FBN1: variants seen among roughly 807,000 people sequenced by gnomAD.
FBN1 encodes the protein fibrillin-1.
FBN1 carries 29 observed loss-of-function variants against 365.1 expected under a neutral mutation model. The observed-to-expected ratio is 0.08, with a 90% CI of 0.06 to 0.11. The LOEUF (loss-of-function observed/expected upper bound fraction) is 0.11. FBN1 is among the 10% of genes least tolerant of loss of function. The probability of loss-of-function intolerance (pLI) is 1.00; values close to 1 mark genes in which losing one functional copy is unlikely to be tolerated. For missense variants in FBN1, 2,476 were observed against 3,703.2 expected (o/e 0.67, Z 8.60); for synonymous variants, 1,210 against 1,270.5 (o/e 0.95, Z 1.01).
At chr15:48,411,483 C>A in intron 65 of FBN1, 104 bp from the exon 66 acceptor site, 1 of 1,032,942 alleles carries the variant, frequency 9.7e-7, no homozygotes, top group Admixed American at 1.7e-5. Flanking sequence ...CAATTTTCTG[C>A]CTTATGCTGC....
intron 63 of FBN1, among the ~76,000 whole-genome samples, chr15:48,420,471 T>A (rs1459603187): frequency 6.6e-6 from 1 of 151,088 alleles, no homozygotes; most frequent in Non-Finnish European, 1.5e-5. Flanking sequence ...GGCATTTCAT[T>A]TCAGATGCTC....
At chr15:48,533,767 G>A (rs1180821045) in intron 8 of FBN1, among the ~76,000 whole-genome samples, 1 of 152,036 alleles carries the variant, frequency 6.6e-6, no homozygotes, top group African/African-American at 2.4e-5. Context: ...CATGTCTCTA[G>A]AACTATGCAA....
At chr15:48,551,979 T>C (rs867993008) in intron 6 of FBN1, among the ~76,000 whole-genome samples, 1 of 152,202 alleles carries the variant, frequency 6.6e-6, no homozygotes, top group Non-Finnish European at 1.5e-5. Flanking sequence ...CATGCATGTG[T>C]CTTTATAATA....
chr15:48,424,486 A>G (rs186251067), intron 60 of FBN1, among the ~76,000 whole-genome samples: 1 of 152,336 alleles, frequency 6.6e-6, no homozygotes, highest in African/African-American at 2.4e-5. Context: ...CAGCTGCATC[A>G]TTCATTTGAT....
At chr15:48,503,296 CAAAA>C (rs754101177) in intron 17 of FBN1, among the ~76,000 whole-genome samples, 1 of 74,756 alleles carries the variant, frequency 1.3e-5, no homozygotes, top group Non-Finnish European at 2.9e-5. Flanking sequence ...GACTCCATCT[CAAAA>C]AAAAAAAAAA....
At chr15:48,639,179 T>A (rs1453072739) in intron 2 of FBN1, among the ~76,000 whole-genome samples, 1 of 152,136 alleles carries the variant, frequency 6.6e-6, no homozygotes, top group Non-Finnish European at 1.5e-5. Flanking sequence ...TAACTAAAAT[T>A]AATGGAGAAA....
intron 4 of FBN1, among the ~76,000 whole-genome samples, chr15:48,604,305 G>C (rs1442227105): frequency 6.6e-6 from 1 of 152,152 alleles, no homozygotes; most frequent in Non-Finnish European, 1.5e-5. Context: ...TTTGTATGAC[G>C]AACATGTGAT....
chr15:48,510,174 A>C lies in FBN1; in HGVS notation c.1589-5T>G. The C allele has an allele frequency of 1.2e-6, 2 of 1,612,904 alleles. No individual in the cohort carries two copies. Among genetic ancestry groups the C allele is most frequent in the Non-Finnish European group, 1.7e-6 (2 of 1,179,146 alleles). ...TCTGTAAACACTCATCAATGTCTAAAATCAAAGTTTAAAAAGAAGAAATAG... is the reference window on the plus strand; with the variant it reads ...TCTGTAAACACTCATCAATGTCTAACATCAAAGTTTAAAAAGAAGAAATAG... On this transcript the variant is annotated splice_region_variant and splice_polypyrimidine_tract_variant and intron_variant, in intron 13 of 65. Coordinates refer to ENST00000316623, the MANE Select transcript of FBN1 (RefSeq NM_000138.5).
intron 4 of FBN1, among the ~76,000 whole-genome samples, chr15:48,603,484 C>T (rs16961229): frequency 0.013 from 1,920 of 152,316 alleles, 42 homozygotes; most frequent in African/African-American, 0.044. Flanking sequence ...CGTAGTTTCA[C>T]TGTACACGCA....
intron 6 of FBN1, 54 bp from the exon 7 acceptor site, chr15:48,537,862 T>C (rs1423618983): frequency 6.4e-7 from 1 of 1,565,970 alleles, no homozygotes; most frequent in Non-Finnish European, 8.8e-7. Context: ...GGAACCATCA[T>C]GCAGAGGAAC....
At chr15:48,589,967 C>T (rs1337822772) in intron 6 of FBN1, among the ~76,000 whole-genome samples, 1 of 152,144 alleles carries the variant, frequency 6.6e-6, no homozygotes, top group African/African-American at 2.4e-5. Context: ...TTCATAGAGG[C>T]CTTCAGTGTA....
chr15:48,516,433 T>A, intron 10 of FBN1, 71 bp from the exon 11 acceptor site: 1 of 1,457,292 alleles, frequency 6.9e-7, no homozygotes, highest in Non-Finnish European at 9.6e-7. Flanking sequence ...ACAGAAGTCA[T>A]CCTTATTTTT....
chr15:48,514,553 A>C (rs773404211), intron 12 of FBN1, among the ~76,000 whole-genome samples: 5 of 152,248 alleles, frequency 3.3e-5, no homozygotes, highest in Admixed American at 6.5e-5. Flanking sequence ...GAGTGTTCTT[A>C]TCCAATCCAA....
intron 32 of FBN1, among the ~76,000 whole-genome samples, chr15:48,479,960 CTA>C (rs1377113416): frequency 2.0e-5 from 3 of 152,154 alleles, no homozygotes; most frequent in African/African-American, 7.2e-5. Flanking sequence ...GACACTGTGT[CTA>C]TGTTTCATTT....
chr15:48,476,358 A>G (rs528391677), intron 32 of FBN1, among the ~76,000 whole-genome samples: 4 of 152,216 alleles, frequency 2.6e-5, no homozygotes, highest in Non-Finnish European at 5.9e-5. Flanking sequence ...TTATGTGGAC[A>G]CAAAAAGCTT....
At chr15:48,422,325 G>A (rs1475730966) in intron 60 of FBN1, among the ~76,000 whole-genome samples, 2 of 152,134 alleles carry the variant, frequency 1.3e-5, no homozygotes, top group Non-Finnish European at 2.9e-5. Flanking sequence ...ATTCTAATTG[G>A]AGAAATGCAG....
At position 48,438,111 on chromosome 15, in the gene FBN1, A is replaced by T. The variant is rs562299754; in HGVS notation, c.6164-194T>A. Among the ~76,000 whole-genome samples, 20 of 152,292 alleles carry T rather than the reference A, an allele frequency of 1.3e-4. No homozygotes were observed. In the Middle Eastern group the frequency reaches 0.01, roughly 78 times the overall value. On this transcript the variant is annotated intron_variant, in intron 50 of 65. Coordinates refer to ENST00000316623, the MANE Select transcript of FBN1 (RefSeq NM_000138.5). ...GGTATCTTTTGTATAGTGAGATCTG[A>T]TGAACAACTCTATGAACTTAAATTT...
At chr15:48,561,794 A>G (rs1290792833) in intron 6 of FBN1, among the ~76,000 whole-genome samples, 2 of 152,186 alleles carry the variant, frequency 1.3e-5, no homozygotes, top group Admixed American at 6.5e-5. Context: ...AATGGTTTAT[A>G]CTGTCAATAT....
chr15:48,540,599 C>A (rs1597595377), intron 6 of FBN1, among the ~76,000 whole-genome samples: 3 of 152,040 alleles, frequency 2.0e-5, no homozygotes, highest in African/African-American at 7.2e-5. Context: ...GTGTACATTA[C>A]AATGAATCCT....
Sources: allele counts gnomAD v4.1 joint callset (sites outside exome capture counted in the v4.1 genomes callset), GRCh38; gene constraint gnomAD v4.1.1; transcripts MANE v1.5; gene names NCBI Gene and HGNC (gene_info 2026-07-23, HGNC 2026-07-21).